ANXA6: variants seen among roughly 807,000 people sequenced by gnomAD.
ANXA6 encodes annexin A6.
Under a neutral mutation model 95.4 loss-of-function variants are expected in ANXA6, and 71 were observed. The ratio of observed to expected loss-of-function variants is 0.74; its 90% CI spans 0.61 to 0.91. The LOEUF is 0.91. ANXA6 is among the 40% of genes least tolerant of loss of function. The probability of loss-of-function intolerance (pLI) is 0.00; values close to 1 mark genes in which losing one functional copy is unlikely to be tolerated. For synonymous variants in ANXA6, 289 were observed against 315.9 expected (o/e 0.91, Z 0.90); for missense variants, 830 against 876.4 (o/e 0.95, Z 0.67).
intron 16 of ANXA6, 138 bp from the exon 17 acceptor site, chr5:151,122,398 A>G: frequency 1.6e-6 from 1 of 613,794 alleles, no homozygotes; most frequent in South Asian, 2.0e-5. Flanking sequence ...CTGATGTTGT[A>G]CTTATTATTT....
At chr5:151,140,934 G>A (rs1006348620) in intron 2 of ANXA6, among the ~76,000 whole-genome samples, 2 of 152,200 alleles carry the variant, frequency 1.3e-5, no homozygotes, top group Admixed American at 1.3e-4. Flanking sequence ...GAACCTTGCA[G>A]GTGCCAGCTA....
At chr5:151,138,382 T>C (rs1422361598) in intron 5 of ANXA6, among the ~76,000 whole-genome samples, 1 of 152,172 alleles carries the variant, frequency 6.6e-6, no homozygotes. Flanking sequence ...TCATGTTGAT[T>C]ACCTTTAGTG....
intron 20 of ANXA6, among the ~76,000 whole-genome samples, chr5:151,112,718 G>C (rs1764886215): frequency 6.7e-6 from 1 of 149,872 alleles, no homozygotes. Context: ...CAGCTACTTG[G>C]GGGGCTGAGG....
intron 12 of ANXA6, 175 bp from the exon 13 acceptor site, chr5:151,128,414 T>C: frequency 1.7e-6 from 1 of 596,920 alleles, no homozygotes; most frequent in Non-Finnish European, 3.0e-6. Flanking sequence ...GCGGGCAGGT[T>C]GGAGGAAGCC....
chr5:151,119,291 C>G lies in ANXA6; in HGVS notation c.1438+9G>C. The G allele has an allele frequency of 6.2e-7, 1 of 1,612,156 alleles. No individual in the cohort carries two copies. The highest frequency in any genetic ancestry group is 8.5e-7 in the Non-Finnish European group (1 of 1,179,332). Reference sequence around the variant, plus strand: ...TCCCAGCATCTGGGCCCAGGCCTCCCAAACTCACCCTCCTTATAGGCCTCA... The same window carrying G: ...TCCCAGCATCTGGGCCCAGGCCTCCGAAACTCACCCTCCTTATAGGCCTCA... On this transcript the variant is annotated intron_variant, in intron 18 of 25. Transcript: ENST00000354546.
chr5:151,118,689 T>A (rs1290342602), intron 18 of ANXA6, among the ~76,000 whole-genome samples: 1 of 152,110 alleles, frequency 6.6e-6, no homozygotes, highest in Non-Finnish European at 1.5e-5. Flanking sequence ...CATCTCGGCC[T>A]CCCAAAGTGC....
At position 151,139,209 on chromosome 5, in the gene ANXA6, A is replaced by T. The variant is rs914504289; in HGVS notation, c.204+144T>A. On this transcript the variant is annotated intron_variant, in intron 4 of 25. Transcript: ENST00000354546. ...TTAAAGGCTGAAAGACGCCCAGCTG[A>T]TGAGAAGAAAAAGAGCAGGGTAAGG... The T allele has an allele frequency of 6.4e-6, 4 of 628,274 alleles. No individual in the cohort carries two copies. The South Asian group carries it at 7.9e-5, about 12-fold the overall frequency. The allele number at this position is 628,274 out of a possible 1,614,324, so 38.9% of individuals were successfully genotyped here. A position where few individuals can be genotyped will look rare whatever the true frequency, so the allele number is the denominator to read the frequency against.
At chr5:151,141,917 C>T (rs1765848843) in intron 2 of ANXA6, among the ~76,000 whole-genome samples, 1 of 152,222 alleles carries the variant, frequency 6.6e-6, no homozygotes, top group African/African-American at 2.4e-5. Context: ...ACGGCCGGAG[C>T]TTGAGAAATT....
intron 14 of ANXA6, 90 bp downstream of exon 14, chr5:151,126,312 G>A: frequency 8.7e-7 from 1 of 1,150,058 alleles, no homozygotes; most frequent in Non-Finnish European, 1.3e-6. Context: ...TGGCCGCCAG[G>A]GGGCAGCTGG....
intron 15 of ANXA6, 52 bp downstream of exon 15, chr5:151,124,234 A>C: frequency 6.5e-7 from 1 of 1,548,846 alleles, no homozygotes; most frequent in Non-Finnish European, 8.9e-7. Context: ...GGCCAAACCC[A>C]CCACACCTGC....
chr5:151,122,581 T>C (rs541402054), intron 16 of ANXA6, among the ~76,000 whole-genome samples: 3 of 152,294 alleles, frequency 2.0e-5, no homozygotes, highest in East Asian at 1.9e-4. Context: ...TGACACTCAG[T>C]TGGGGCCTTG....
chr5:151,149,239 T>C (rs1456178783), intron 1 of ANXA6, among the ~76,000 whole-genome samples: 3 of 147,152 alleles, frequency 2.0e-5, no homozygotes, highest in Admixed American at 6.7e-5. Flanking sequence ...ACATATCTCA[T>C]TGAAAATGGA....
In ANXA6 at chr5:151,117,830, G is replaced by A. The variant is rs1765047162; in HGVS notation, c.1446C>T (p.His482=). 1.2e-6 allele frequency: 2 copies of A among 1,613,492 alleles called. No homozygotes were observed. Among genetic ancestry groups the A allele is most frequent in the East Asian group, 2.2e-5 (1 of 44,868 alleles). Reference sequence around the variant, plus strand: ...AGCTCAGAGCATCCTCCAGGGACTTGTGATAGTCTGAGGCAGAGAAAGGGG... The same window carrying A: ...AGCTCAGAGCATCCTCCAGGGACTTATGATAGTCTGAGGCAGAGAAAGGGG... ...AINEAYKEDY[H]KSLEDALSSD... Residue 482 remains histidine (H), a synonymous_variant, in exon 19 of 26, where the codon CAC becomes CAT. Coordinates refer to ENST00000354546, the MANE Select transcript of ANXA6 (RefSeq NM_001155.5).
At chr5:151,117,602 G>A (rs1165637351) in intron 19 of ANXA6, among the ~76,000 whole-genome samples, 156 bp downstream of exon 19, 1 of 152,186 alleles carries the variant, frequency 6.6e-6, no homozygotes. Context: ...GAACAACAGG[G>A]GTAGGCGGTG....
At chr5:151,146,010 C>A (rs1225803604) in intron 2 of ANXA6, among the ~76,000 whole-genome samples, 2 of 152,162 alleles carry the variant, frequency 1.3e-5, no homozygotes, top group African/African-American at 4.8e-5. Flanking sequence ...CACCAGAACA[C>A]TGTGCATGGA....
At chr5:151,128,856 C>T (rs1456945587) in intron 12 of ANXA6, among the ~76,000 whole-genome samples, 1 of 151,690 alleles carries the variant, frequency 6.6e-6, no homozygotes, top group Non-Finnish European at 1.5e-5. Context: ...GCACATAACA[C>T]CTAAAAAAAT....
At chr5:151,131,171 T>A in intron 11 of ANXA6, 60 bp downstream of exon 11, 1 of 1,568,706 alleles carries the variant, frequency 6.4e-7, no homozygotes. Context: ...CCCAAGGACT[T>A]GTCAAAGACT....
rs1764610211 is a variant in ANXA6, at chr5:151,103,644, T to C, written c.1888A>G (p.Ser630Gly). The C allele has an allele frequency of 6.2e-7, 1 of 1,611,484 alleles. No homozygotes were observed. Residue 630 changes from serine (S) to glycine (G), a missense_variant, in exon 25 of 26, where the codon AGT becomes GGT. Physicochemically the swap from Ser to Gly is moderately conservative, Grantham distance 56. Coordinates refer to ENST00000354546, the MANE Select transcript of ANXA6 (RefSeq NM_001155.5). ...CGGATGTTGAGCAGGTCAATCTCAC[T>C]GCGGGATACCATGATCCTGGTCAGA... Reference protein sequence around the residue: ...KTLTRIMVSRSEIDLLNIRRE... With the variant: ...KTLTRIMVSRGEIDLLNIRRE...
chr5:151,128,278 C>T (rs1422519961), intron 12 of ANXA6, 39 bp from the exon 13 acceptor site: 4 of 1,553,828 alleles, frequency 2.6e-6, no homozygotes, highest in Non-Finnish European at 3.5e-6. Context: ...TCACCCAGCC[C>T]TGGGCTCCTC....
Sources: allele counts gnomAD v4.1 joint callset (sites outside exome capture counted in the v4.1 genomes callset), GRCh38; gene constraint gnomAD v4.1.1; transcripts MANE v1.5; gene names NCBI Gene and HGNC (gene_info 2026-07-23, HGNC 2026-07-21).